CNRIP1: variants seen among roughly 807,000 people sequenced by gnomAD.
The protein encoded by CNRIP1 is CB1 cannabinoid receptor-interacting protein 1.
In CNRIP1, 10 loss-of-function variants were observed where a neutral mutation model predicts 15.2. That is an observed-to-expected ratio of 0.66 (90% CI 0.41 to 1.12). The LOEUF (loss-of-function observed/expected upper bound fraction) is 1.12, where lower values mean the gene tolerates loss of function less well. CNRIP1 is among the 50% of genes most tolerant of loss of function. The pLI is 0.00. For missense variants in CNRIP1, 211 were observed against 214.7 expected (o/e 0.98, Z 0.11); for synonymous variants, 91 against 83.2 (o/e 1.09, Z -0.51).
intron 2 of CNRIP1, among the ~76,000 whole-genome samples, chr2:68,300,058 T>G (rs1671546796): frequency 6.6e-6 from 1 of 152,236 alleles, no homozygotes; most frequent in African/African-American, 2.4e-5. Flanking sequence ...CCACTGAATT[T>G]CAAGCCTTTC....
intron 2 of CNRIP1, among the ~76,000 whole-genome samples, chr2:68,297,824 G>T (rs1266650381): frequency 6.6e-6 from 1 of 152,068 alleles, no homozygotes; most frequent in Non-Finnish European, 1.5e-5. Flanking sequence ...TCAAGGAAAT[G>T]CTTAGAACAA....
chr2:68,286,564 T>C (rs1671036656), intron 2 of CNRIP1, among the ~76,000 whole-genome samples: 1 of 152,210 alleles, frequency 6.6e-6, no homozygotes, highest in African/African-American at 2.4e-5. Context: ...AGTGGGCTTG[T>C]TGAACTTTTC....
intron 2 of CNRIP1, among the ~76,000 whole-genome samples, chr2:68,306,124 C>CAAAAAAAAAAAAAAAAAAAAAAAAA (rs61586261): frequency 5.5e-4 from 14 of 25,340 alleles, no homozygotes; most frequent in Non-Finnish European, 7.0e-4. Flanking sequence ...CCCACCTCTA[C>CAAAAAAAAAAAAAAAAAAAAAAAAA]AAAAAAAAAA....
intron 2 of CNRIP1, among the ~76,000 whole-genome samples, chr2:68,295,032 C>A (rs896092112): frequency 1.3e-5 from 2 of 152,198 alleles, no homozygotes; most frequent in African/African-American, 4.8e-5. Context: ...GACCCTGCTA[C>A]TGCCTTCTGG....
chr2:68,293,627 A>C lies in CNRIP1; in HGVS notation c.*235T>G. On this transcript the variant is annotated 3_prime_UTR_variant, in exon 3 of 3. Transcript: ENST00000263655. ...ATGACCGAGAACAACTGGATGCAGG[A>C]ACATCAGCACAAAATACAGATGGGA... is the stretch of plus-strand genomic sequence containing the variant. 8.3e-7 allele frequency: 1 copy of C among 1,201,014 alleles called. No homozygotes were observed. Among genetic ancestry groups the C allele is most frequent in the Non-Finnish European group, 1.0e-6 (1 of 959,140 alleles). 74.4% of individuals were successfully genotyped at this position (1,201,014 alleles called of 1,614,324 possible). A position where few individuals can be genotyped will look rare whatever the true frequency, so the allele number is the denominator to read the frequency against.
chr2:68,293,410 C>G lies in CNRIP1; in HGVS notation c.*452G>C. ...AGCCTGCTTTGAAAGCTGGCAAACA[C>G]TGCAAGTTACATGTTACCATATTAC... is the stretch of plus-strand genomic sequence containing the variant. On this transcript the variant is annotated 3_prime_UTR_variant, in exon 3 of 3. Coordinates refer to ENST00000263655, the MANE Select transcript of CNRIP1 (RefSeq NM_015463.3). 6 of 986,374 alleles carry G rather than the reference C, an allele frequency of 6.1e-6. No homozygotes were observed. The highest frequency in any genetic ancestry group is 6.0e-6 in the Non-Finnish European group (5 of 830,530). The allele number at this position is 986,374 out of a possible 1,614,324, so 61.1% of individuals were successfully genotyped here.
At chr2:68,286,009 T>C (rs924836569) in intron 2 of CNRIP1, among the ~76,000 whole-genome samples, 18 of 152,216 alleles carry the variant, frequency 1.2e-4, no homozygotes, top group Admixed American at 3.9e-4. Context: ...GTTAGATTGT[T>C]TCTATAGGGT....
chr2:68,319,100 C>A, intron 1 of CNRIP1, 122 bp downstream of exon 1: 2 of 1,034,490 alleles, frequency 1.9e-6, no homozygotes, highest in Non-Finnish European at 1.3e-6. Flanking sequence ...CTCCAACCCC[C>A]GGGCCCGCTG....
chr2:68,305,255 A>ATATATAT (rs1392593278), intron 2 of CNRIP1, among the ~76,000 whole-genome samples: 8 of 52,886 alleles, frequency 1.5e-4, no homozygotes, highest in African/African-American at 3.7e-4. Flanking sequence ...AAAAAAAAAA[A>ATATATAT]AAAAATATAT....
intron 1 of CNRIP1, among the ~76,000 whole-genome samples, chr2:68,318,338 T>C (rs1179459308): frequency 2.0e-4 from 30 of 152,282 alleles, no homozygotes; most frequent in Admixed American, 1.9e-3. Flanking sequence ...ATACAATAAA[T>C]GCTGGTTTAT....
chr2:68,292,155 T>G (rs115945117), downstream of CNRIP1, among the ~76,000 whole-genome samples: 2,371 of 152,270 alleles, frequency 0.016, 68 homozygotes, highest in African/African-American at 0.053. Context: ...AATAATTGAG[T>G]GTTGGTTTTA....
intron 2 of CNRIP1, among the ~76,000 whole-genome samples, chr2:68,310,380 A>C (rs1170268093): frequency 3.9e-5 from 6 of 152,064 alleles, no homozygotes; most frequent in Non-Finnish European, 8.8e-5. Context: ...AAATAGGGGA[A>C]CCTCAGGGTG....
In CNRIP1 at chr2:68,294,148, T is replaced by C; in HGVS notation, c.331-122A>G. 2.9e-6 allele frequency: 3 copies of C among 1,035,300 alleles called. 1 individual carries two copies. Among genetic ancestry groups the C allele is most frequent in the South Asian group, 1.7e-5 (1 of 58,990 alleles). The allele number at this position is 1,035,300 out of a possible 1,614,324, so 64.1% of individuals were successfully genotyped here. A position where few individuals can be genotyped will look rare whatever the true frequency, so the allele number is the denominator to read the frequency against. On this transcript the variant is annotated intron_variant, in intron 2 of 2. Transcript: ENST00000263655. ...AGACCCAGTCCAGATTCTCTTGGTC[T>C]GCAAGGCTCGGAAGGCTTTCCTTTA...
rs1215225486 is a variant in CNRIP1, at chr2:68,319,251, C to A, written c.150G>T (p.Val50=). Residue 50 remains valine (V), a synonymous_variant, in exon 1 of 3, where the codon GTG becomes GTT. Coordinates refer to ENST00000263655, the MANE Select transcript of CNRIP1 (RefSeq NM_015463.3). ...CCTGCAGCGTGCTGGGTTTAATCTT[C>A]ACCTCAACCTTGTAGGAGGAGCCGG... ...LLTGSSYKVE[V]KIKPSTLQVE... 6.5e-7 allele frequency: 1 copy of A among 1,549,556 alleles called. No homozygotes were observed. Among genetic ancestry groups the A allele is most frequent in the Admixed American group, 2.0e-5 (1 of 50,978 alleles).
In CNRIP1 at chr2:68,293,578, CTCCAG is replaced by C. The variant is rs1249896417; in HGVS notation, c.*279_*283del. ...GGACAAGCCTGCCAGGGCCACTGAA[CTCCAG>C]TCACAAGTGGTCAAAAGTATGACCG... On this transcript the variant is annotated 3_prime_UTR_variant, in exon 3 of 3. Transcript: ENST00000263655. 2 of 1,092,350 alleles carry C rather than the reference CTCCAG, an allele frequency of 1.8e-6. No homozygotes were observed. Among genetic ancestry groups the C allele is most frequent in the African/African-American group, 3.2e-5 (2 of 62,088 alleles). 67.7% of individuals were successfully genotyped at this position (1,092,350 alleles called of 1,614,324 possible). A position where few individuals can be genotyped will look rare whatever the true frequency, so the allele number is the denominator to read the frequency against.
chr2:68,317,006 C>G (rs1672295953), intron 2 of CNRIP1, 151 bp downstream of exon 2: 6 of 935,664 alleles, frequency 6.4e-6, no homozygotes, highest in Middle Eastern at 2.1e-4. Context: ...AGTTCTCTCT[C>G]CAGCAGATGC....
At chr2:68,292,587 A>G, downstream of CNRIP1, among the ~76,000 whole-genome samples, 1 of 152,184 alleles carries the variant, frequency 6.6e-6, no homozygotes, top group East Asian at 1.9e-4. Context: ...GAGGAAGTTC[A>G]CTTCCTTCTT....
In CNRIP1 at chr2:68,319,699, G is replaced by T. The variant is rs555273627; in HGVS notation, c.-299C>A. The T allele has an allele frequency of 7.9e-5, 28 of 355,240 alleles. No individual in the cohort carries two copies. Among genetic ancestry groups the T allele is most frequent in the African/African-American group, 3.5e-4 (16 of 46,066 alleles). 22.0% of individuals were successfully genotyped at this position (355,240 alleles called of 1,614,324 possible). A position where few individuals can be genotyped will look rare whatever the true frequency, so the allele number is the denominator to read the frequency against. ...TGCTGCGCCCTCCACGCACCCGAAG[G>T]CTCGCTCTGGCCCGCAGGCCGCCGC... On this transcript the variant is annotated 5_prime_UTR_variant, in exon 1 of 3. Transcript: ENST00000263655.
chr2:68,301,669 A>T (rs1671609867), intron 2 of CNRIP1, among the ~76,000 whole-genome samples: 1 of 152,114 alleles, frequency 6.6e-6, no homozygotes, highest in African/African-American at 2.4e-5. Flanking sequence ...AGGCGGGTGG[A>T]TCAAGAGGTC....
Sources: gnomAD v4.1 joint callset for allele counts (sites outside exome capture counted in the v4.1 genomes callset) on GRCh38, gnomAD v4.1.1 for gene constraint, MANE v1.5 for transcripts, NCBI Gene and HGNC (gene_info 2026-07-23, HGNC 2026-07-21) for gene names.